Variants in FBXL7 observed in about 807,000 individuals in gnomAD.
FBXL7 encodes F-box and leucine rich repeat protein 7.
FBXL7 carries 12 observed loss-of-function variants against 38.3 expected under a neutral mutation model. That is an observed-to-expected ratio of 0.31 (90% confidence interval 0.20 to 0.51). FBXL7 has a LOEUF of 0.51. Ranked by LOEUF, FBXL7 falls within the 20% of genes least tolerant of loss-of-function variation. The probability of loss-of-function intolerance (pLI) is 0.98; values close to 1 mark genes in which losing one functional copy is unlikely to be tolerated. For synonymous variants in FBXL7, 297 were observed against 300.9 expected (o/e 0.99, Z 0.13); for missense variants, 567 against 676.4 (o/e 0.84, Z 1.79).
intron 1 of FBXL7, among the ~76,000 whole-genome samples, chr5:15,570,643 CTGTAGCAGCCCG>C (rs1738746459): frequency 6.6e-6 from 1 of 152,200 alleles, no homozygotes. Flanking sequence ...CCACCTCATC[CTGTAGCAGCCCG>C]TGTGTGTGCC....
intron 1 of FBXL7, among the ~76,000 whole-genome samples, chr5:15,535,723 T>A (rs1164307147): frequency 1.3e-5 from 2 of 152,232 alleles, no homozygotes; most frequent in Admixed American, 1.3e-4. Flanking sequence ...TTGGATCTTC[T>A]GTTTAAGAGG....
At chr5:15,904,271 T>C (rs1741302928) in intron 2 of FBXL7, among the ~76,000 whole-genome samples, 1 of 152,188 alleles carries the variant, frequency 6.6e-6, no homozygotes. Context: ...CAACAGACCC[T>C]TTCTGACATC....
At chr5:15,750,441 T>C (rs914415731) in intron 2 of FBXL7, among the ~76,000 whole-genome samples, 3 of 152,186 alleles carry the variant, frequency 2.0e-5, no homozygotes, top group African/African-American at 7.2e-5. Context: ...TCCTCTGACC[T>C]TGAGTCTTTG....
chr5:15,504,003 G>A (rs545309010), intron 1 of FBXL7, among the ~76,000 whole-genome samples: 1 of 152,332 alleles, frequency 6.6e-6, no homozygotes, highest in Admixed American at 6.5e-5. Flanking sequence ...ATGGGCAGAG[G>A]CCTCCAACTC....
intron 2 of FBXL7, among the ~76,000 whole-genome samples, chr5:15,727,422 TG>T (rs1561102003): frequency 6.6e-6 from 1 of 152,226 alleles, no homozygotes; most frequent in African/African-American, 2.4e-5. Context: ...CTTTGCTTTT[TG>T]GGGGAATGTC....
At chr5:15,747,523 C>G (rs1477320174) in intron 2 of FBXL7, among the ~76,000 whole-genome samples, 1 of 152,192 alleles carries the variant, frequency 6.6e-6, no homozygotes, top group Non-Finnish European at 1.5e-5. Flanking sequence ...CCAACCATTT[C>G]TGTGTATTAG....
intron 2 of FBXL7, among the ~76,000 whole-genome samples, chr5:15,712,357 A>C: frequency 6.6e-6 from 1 of 150,406 alleles, no homozygotes; most frequent in Admixed American, 6.6e-5. Flanking sequence ...ATAGTGAAAA[A>C]AAAAAAAAAA....
intron 1 of FBXL7, among the ~76,000 whole-genome samples, chr5:15,518,072 C>A (rs1035752367): frequency 2.0e-5 from 3 of 152,120 alleles, no homozygotes; most frequent in African/African-American, 7.2e-5. Flanking sequence ...CTCACTGCAA[C>A]CTCTGCCTCC....
At position 15,623,719 on chromosome 5, in the gene FBXL7, A is replaced by G. The variant is rs190045443; in HGVS notation, c.127+7647A>G. ...TAACTCTAGGTGAATTCTGTTTCCC[A>G]AAAAGCTTTTCAAAACTCTACAACA... On this transcript the variant is annotated intron_variant, in intron 2 of 3. Transcript: ENST00000504595. 3.7e-3 allele frequency among the ~76,000 whole-genome samples: 564 copies of G among 152,330 alleles called. 3 individuals carry two copies. The highest frequency in any genetic ancestry group is 5.6e-3 in the Non-Finnish European group (379 of 68,028).
At chr5:15,861,485 C>A (rs1011291413) in intron 2 of FBXL7, among the ~76,000 whole-genome samples, 1 of 152,182 alleles carries the variant, frequency 6.6e-6, no homozygotes, top group Non-Finnish European at 1.5e-5. Flanking sequence ...GGACACCCAA[C>A]AAAGGACATC....
chr5:15,568,128 G>A (rs1166359635), intron 1 of FBXL7, among the ~76,000 whole-genome samples: 5 of 151,858 alleles, frequency 3.3e-5, no homozygotes, highest in African/African-American at 1.2e-4. Context: ...GGGATTGCTG[G>A]GTCAAATGGT....
In FBXL7 at chr5:15,567,590, T is replaced by TA. The variant is rs549545708; in HGVS notation, c.38-48393_38-48392insA. 1.6e-3 allele frequency among the ~76,000 whole-genome samples: 236 copies of TA among 151,302 alleles called. 1 individual carries two copies. Among genetic ancestry groups the TA allele is most frequent in the African/African-American group, 5.2e-3 (213 of 41,346 alleles). ...TAAGTCTGTCTCTTTCTTCTTTTTT[T>TA]TATATATATATATTTTTTATTATAC... On this transcript the variant is annotated intron_variant, in intron 1 of 3. Coordinates refer to ENST00000504595, the MANE Select transcript of FBXL7 (RefSeq NM_012304.5).
intron 2 of FBXL7, among the ~76,000 whole-genome samples, chr5:15,793,568 A>T (rs572816398): frequency 6.6e-6 from 1 of 152,320 alleles, no homozygotes; most frequent in African/African-American, 2.4e-5. Flanking sequence ...TGCTAGGTTC[A>T]AGAGGTTAGA....
At chr5:15,663,784 A>G (rs1267089369) in intron 2 of FBXL7, among the ~76,000 whole-genome samples, 1 of 152,030 alleles carries the variant, frequency 6.6e-6, no homozygotes, top group Non-Finnish European at 1.5e-5. Flanking sequence ...CTCCTTTATT[A>G]TTGTGTGTTT....
chr5:15,799,798 A>G lies in FBXL7; in HGVS notation c.128-128092A>G, dbSNP rs1359607771. Among the ~76,000 whole-genome samples the G allele has an allele frequency of 3.7e-4, 56 of 152,196 alleles. 1 individual carries two copies. The highest frequency in any genetic ancestry group is 3.7e-3 in the Admixed American group (56 of 15,284). On this transcript the variant is annotated intron_variant, in intron 2 of 3. Transcript: ENST00000504595. Reference sequence around the variant, plus strand: ...AAGTCCTCAGAAAGTCTGTTCCATCATCTGGCAAAATGTACTCTCTTGGGG... The same window carrying G: ...AAGTCCTCAGAAAGTCTGTTCCATCGTCTGGCAAAATGTACTCTCTTGGGG...
chr5:15,625,370 C>T (rs933343056), intron 2 of FBXL7, among the ~76,000 whole-genome samples: 37 of 152,168 alleles, frequency 2.4e-4, no homozygotes, highest in African/African-American at 8.7e-4. Flanking sequence ...AACTGAGCCA[C>T]AGGCTGGGCA....
chr5:15,717,592 C>T (rs887453379), intron 2 of FBXL7, among the ~76,000 whole-genome samples: 33 of 152,166 alleles, frequency 2.2e-4, no homozygotes, highest in African/African-American at 6.3e-4. Context: ...CTTGATTGCC[C>T]CCTTGCATAT....
intron 2 of FBXL7, among the ~76,000 whole-genome samples, chr5:15,828,239 CTATTAT>C (rs1314785373): frequency 6.6e-5 from 10 of 152,076 alleles, no homozygotes; most frequent in African/African-American, 2.4e-4. Flanking sequence ...TTGTTGCTGG[CTATTAT>C]TAGTATAAGA....
In FBXL7 at chr5:15,830,735, A is replaced by G. The variant is rs562846163; in HGVS notation, c.128-97155A>G. On this transcript the variant is annotated intron_variant, in intron 2 of 3. Coordinates refer to ENST00000504595, the MANE Select transcript of FBXL7 (RefSeq NM_012304.5). ...GTTGAACCTTTTCTGATTTATGTTT[A>G]TTAGTCACATGTTGACCTTGAGGCC... 1.2e-4 allele frequency among the ~76,000 whole-genome samples: 18 copies of G among 152,220 alleles called. No homozygotes were observed. In the East Asian group the frequency reaches 3.3e-3, roughly 28 times the overall value.
Sources: gnomAD v4.1 joint callset for allele counts (sites outside exome capture counted in the v4.1 genomes callset) on GRCh38, gnomAD v4.1.1 for gene constraint, MANE v1.5 for transcripts, NCBI Gene and HGNC (gene_info 2026-07-23, HGNC 2026-07-21) for gene names.